SPMIP2: variants seen among roughly 807,000 people sequenced by gnomAD.
The protein encoded by SPMIP2 is sperm microtubule inner protein 2.
chr4:158,921,481 A>T, the SPMIP2 span, among the ~76,000 whole-genome samples: 2 of 152,018 alleles, frequency 1.3e-5, no homozygotes, highest in Admixed American at 1.3e-4. Context: ...AGAAAAAAAG[A>T]AAGTGTATAG....
At chr4:158,999,196 C>CAAA in the SPMIP2 span, among the ~76,000 whole-genome samples, 323 of 139,236 alleles carry the variant, frequency 2.3e-3, 1 homozygote, top group African/African-American at 7.8e-3. Context: ...AAAAAAAAAC[C>CAAA]CAAAAAAACC....
At chr4:158,930,675 T>C in the SPMIP2 span, among the ~76,000 whole-genome samples, 7 of 151,940 alleles carry the variant, frequency 4.6e-5, no homozygotes, top group Non-Finnish European at 1.0e-4. Flanking sequence ...TATTTTTATT[T>C]GGATAGAGAT....
chr4:158,955,483 C>T, the SPMIP2 span, among the ~76,000 whole-genome samples: 2 of 152,240 alleles, frequency 1.3e-5, no homozygotes, highest in Non-Finnish European at 2.9e-5. Flanking sequence ...CAGCTCACTG[C>T]AACCTCCACC....
At chr4:158,932,556 T>C in the SPMIP2 span, among the ~76,000 whole-genome samples, 1 of 152,318 alleles carries the variant, frequency 6.6e-6, no homozygotes, top group South Asian at 2.1e-4. Flanking sequence ...TTGGAGATAG[T>C]TTCTATCGAC....
At chr4:158,903,382 C>T in the SPMIP2 span, among the ~76,000 whole-genome samples, 3 of 152,294 alleles carry the variant, frequency 2.0e-5, no homozygotes, top group Admixed American at 1.3e-4. Context: ...CCTTCTGCGT[C>T]GATCTTGCTG....
At chr4:158,985,410 C>A in the SPMIP2 span, among the ~76,000 whole-genome samples, 86,899 of 143,242 alleles carry the variant, frequency 0.61, 25,919 homozygotes, top group Middle Eastern at 0.69. Context: ...CCGAATCCAG[C>A]AGCACATCAA....
the SPMIP2 span, among the ~76,000 whole-genome samples, chr4:158,944,953 A>G: frequency 6.6e-6 from 1 of 152,102 alleles, no homozygotes; most frequent in Non-Finnish European, 1.5e-5. Context: ...TTTGGGTACT[A>G]TGTAAAGGGA....
At chr4:159,036,049 T>C in the SPMIP2 span, among the ~76,000 whole-genome samples, 1 of 152,252 alleles carries the variant, frequency 6.6e-6, no homozygotes, top group South Asian at 2.1e-4. Flanking sequence ...GTGGGATGAA[T>C]AATTGTATGA....
chr4:159,070,709 T>C, the SPMIP2 span, among the ~76,000 whole-genome samples: 1 of 152,332 alleles, frequency 6.6e-6, no homozygotes, highest in South Asian at 2.1e-4. Context: ...GTAATACTTA[T>C]TAGAGAAGAG....
the SPMIP2 span, among the ~76,000 whole-genome samples, chr4:159,058,109 T>C: frequency 6.6e-6 from 1 of 151,950 alleles, no homozygotes; most frequent in Non-Finnish European, 1.5e-5. Flanking sequence ...ATCCACCGTG[T>C]AGATCTCCTA....
chr4:158,957,396 T>C, the SPMIP2 span, among the ~76,000 whole-genome samples: 211 of 152,112 alleles, frequency 1.4e-3, no homozygotes, highest in African/African-American at 4.6e-3. Context: ...GGCTCATGCT[T>C]TTCTCTCTGC....
chr4:159,000,553 G>T, the SPMIP2 span, among the ~76,000 whole-genome samples: 1 of 142,976 alleles, frequency 7.0e-6, no homozygotes, highest in Non-Finnish European at 1.5e-5. Flanking sequence ...GGAGTGCACT[G>T]GTGCAATCTC....
chr4:159,070,342 T>G, the SPMIP2 span, among the ~76,000 whole-genome samples: 4 of 152,224 alleles, frequency 2.6e-5, no homozygotes, highest in Non-Finnish European at 5.9e-5. Flanking sequence ...GATTCAAGGG[T>G]AATATATACA....
chr4:159,069,432 C>CT, the SPMIP2 span, among the ~76,000 whole-genome samples: 1 of 151,784 alleles, frequency 6.6e-6, no homozygotes, highest in East Asian at 1.9e-4. Flanking sequence ...AACTTGTTTT[C>CT]TTTTTTCTTT....
the SPMIP2 span, among the ~76,000 whole-genome samples, chr4:158,898,124 G>A: frequency 6.6e-6 from 1 of 152,042 alleles, no homozygotes; most frequent in African/African-American, 2.4e-5. Flanking sequence ...TTTTTGTCAG[G>A]TTTGTCAAAG....
chr4:158,970,976 C>T, the SPMIP2 span, among the ~76,000 whole-genome samples: 1 of 152,172 alleles, frequency 6.6e-6, no homozygotes, highest in South Asian at 2.1e-4. Context: ...CCCCGTTACT[C>T]AGCAGTGCAG....
chr4:158,907,317 G>A, the SPMIP2 span: 18 of 151,968 alleles, frequency 1.2e-4, no homozygotes, highest in Middle Eastern at 3.2e-3. Flanking sequence ...TCCATTTTTC[G>A]AAGTGTGCTG....
the SPMIP2 span, among the ~76,000 whole-genome samples, chr4:159,014,581 T>C: frequency 3.3e-5 from 5 of 152,196 alleles, no homozygotes; most frequent in Non-Finnish European, 5.9e-5. Flanking sequence ...TACATATGTA[T>C]ACAAATTTAA....
chr4:159,012,656 C>T, the SPMIP2 span, among the ~76,000 whole-genome samples: 2 of 152,066 alleles, frequency 1.3e-5, no homozygotes, highest in African/African-American at 4.8e-5. Context: ...ACTGCAGCCT[C>T]AATCTCGTGG....
Sources: allele counts gnomAD v4.1 joint callset (sites outside exome capture counted in the v4.1 genomes callset), GRCh38; gene constraint gnomAD v4.1.1; transcripts MANE v1.5; gene names NCBI Gene and HGNC (gene_info 2026-07-23, HGNC 2026-07-21).